Variants in PCLO observed in about 807,000 individuals in gnomAD.
PCLO encodes the protein piccolo presynaptic cytomatrix protein, also known as protein piccolo.
Under a neutral mutation model 427.5 loss-of-function variants are expected in PCLO, and 82 were observed. The ratio of observed to expected loss-of-function variants is 0.19; its 90% CI spans 0.16 to 0.23. The LOEUF is 0.23. Ranked by LOEUF, PCLO falls within the 10% of genes least tolerant of loss-of-function variation. The pLI, the probability that PCLO is intolerant of heterozygous loss-of-function variation, is 1.00. For missense variants in PCLO, 6,239 were observed against 6,115.9 expected (o/e 1.02, Z -0.67); for synonymous variants, 2,357 against 2,155.4 (o/e 1.09, Z -2.59).
At chr7:82,901,450 T>C (rs893151014) in intron 9 of PCLO, among the ~76,000 whole-genome samples, 1 of 152,026 alleles carries the variant, frequency 6.6e-6, no homozygotes, top group Non-Finnish European at 1.5e-5. Context: ...ACGTACATGT[T>C]AGACCTAAAA....
At chr7:82,781,618 T>A (rs1301321380) in intron 22 of PCLO, among the ~76,000 whole-genome samples, 1 of 152,166 alleles carries the variant, frequency 6.6e-6, no homozygotes, top group East Asian at 1.9e-4. Flanking sequence ...CAGCCCTTAT[T>A]ACAGTCTTTT....
intron 20 of PCLO, among the ~76,000 whole-genome samples, chr7:82,810,234 A>G (rs1248663252): frequency 6.6e-6 from 1 of 151,686 alleles, no homozygotes; most frequent in Non-Finnish European, 1.5e-5. Flanking sequence ...AAATTTAGAA[A>G]TATTCAACTT....
At chr7:82,983,708 A>T (rs190724444) in intron 3 of PCLO, among the ~76,000 whole-genome samples, 17 of 151,622 alleles carry the variant, frequency 1.1e-4, no homozygotes, top group African/African-American at 3.9e-4. Context: ...GAAGTCTTGG[A>T]CAAGGCACAA....
intron 3 of PCLO, among the ~76,000 whole-genome samples, chr7:83,043,544 C>T (rs1789023010): frequency 6.6e-6 from 1 of 152,172 alleles, no homozygotes; most frequent in Non-Finnish European, 1.5e-5. Context: ...CAAAAGATTA[C>T]ATTTGAAACT....
At chr7:82,840,294 C>A (rs1339138687) in intron 14 of PCLO, among the ~76,000 whole-genome samples, 1 of 151,978 alleles carries the variant, frequency 6.6e-6, no homozygotes, top group East Asian at 1.9e-4. Context: ...AGTAACGTGT[C>A]AACCTTCTGC....
intron 3 of PCLO, among the ~76,000 whole-genome samples, chr7:82,970,781 T>TA (rs1307945065): frequency 6.6e-6 from 1 of 151,788 alleles, no homozygotes; most frequent in Non-Finnish European, 1.5e-5. Flanking sequence ...AGAATCTAGG[T>TA]AAAATACAAA....
intron 3 of PCLO, chr7:83,018,012 T>G (rs971131288): frequency 2.6e-5 from 4 of 151,970 alleles, no homozygotes; most frequent in African/African-American, 9.7e-5. Context: ...GCTGTAGGCT[T>G]GAAACAAACA....
Position 82,845,507 on chromosome 7 carries a change from T to G in PCLO, c.13832-22A>C, listed in dbSNP as rs1272802338. On this transcript the variant is annotated intron_variant, in intron 12 of 24. Coordinates refer to ENST00000333891, the MANE Select transcript of PCLO (RefSeq NM_033026.6). ...TCCACTACAACAAAATGAAAGAGAT[T>G]TACATACTTCTCCATTTCATAGGTA... The G allele has an allele frequency of 3.3e-6, 5 of 1,508,484 alleles. No homozygotes were observed. The East Asian group carries it at 1.1e-4, about 35-fold the overall frequency. 93.4% of individuals were successfully genotyped at this position (1,508,484 alleles called of 1,614,324 possible).
rs117334795 is a variant in PCLO at position 82,908,670 on chromosome 7, T to C, written c.13437+207A>G. ...CTGTTGGAGGAATGAATCACTTAAA[T>C]TGGTAGAAGTATCACAGCTATGCTC... On this transcript the variant is annotated intron_variant, in intron 8 of 24. Coordinates refer to ENST00000333891, the MANE Select transcript of PCLO (RefSeq NM_033026.6). 5.8e-4 allele frequency among the ~76,000 whole-genome samples: 89 copies of C among 152,200 alleles called. 1 individual carries two copies. The East Asian group carries it at 0.015, about 26-fold the overall frequency.
intron 8 of PCLO, among the ~76,000 whole-genome samples, chr7:82,906,281 C>A (rs1464542875): frequency 2.6e-5 from 4 of 151,874 alleles, no homozygotes; most frequent in Admixed American, 6.6e-5. Context: ...TTACTTTTGC[C>A]TCCAAAGCAT....
chr7:82,876,306 C>T lies in PCLO; in HGVS notation c.13654+3031G>A, dbSNP rs910197463. Among the ~76,000 whole-genome samples, 5 of 152,022 alleles carry T rather than the reference C, an allele frequency of 3.3e-5. No homozygotes were observed. In the East Asian group the frequency reaches 9.7e-4, roughly 29 times the overall value. ...AAAACCTCCAGTGATATATAATTGG[C>T]ATCATGATAATGCCTCACATCAGGC... On this transcript the variant is annotated intron_variant, in intron 10 of 24. Transcript: ENST00000333891.
chr7:83,115,635 A>G (rs965033722), intron 3 of PCLO, among the ~76,000 whole-genome samples: 26 of 152,084 alleles, frequency 1.7e-4, no homozygotes, highest in Non-Finnish European at 3.7e-4. Flanking sequence ...ATAATTCAAA[A>G]AAATACAACA....
chr7:83,137,926 G>T (rs747883325), intron 2 of PCLO, among the ~76,000 whole-genome samples: 4 of 152,102 alleles, frequency 2.6e-5, no homozygotes, highest in African/African-American at 4.8e-5. Flanking sequence ...AGGCAAAAAT[G>T]TAAGAAAATT....
intron 3 of PCLO, among the ~76,000 whole-genome samples, chr7:83,129,086 G>A (rs944300235): frequency 3.9e-5 from 6 of 152,012 alleles, no homozygotes; most frequent in African/African-American, 1.4e-4. Context: ...AGTACCTTAG[G>A]TTTTCTAAAC....
intron 3 of PCLO, among the ~76,000 whole-genome samples, chr7:83,053,933 G>C (rs2116277615): frequency 6.6e-6 from 1 of 152,034 alleles, no homozygotes; most frequent in East Asian, 1.9e-4. Flanking sequence ...TAGAATCTAT[G>C]AAATATAGGT....
At position 82,795,464 on chromosome 7, in the gene PCLO, CT is replaced by C. The variant is rs567289838; in HGVS notation, c.15007+6053del. On this transcript the variant is annotated intron_variant, in intron 22 of 24. Transcript: ENST00000333891. ...TCATCATTAAGTATTGGATGTTTTCCTGCCCAAACCAATTAAGATAGTCTTA... is the reference window on the plus strand; with the variant it reads ...TCATCATTAAGTATTGGATGTTTTCCGCCCAAACCAATTAAGATAGTCTTA... Among the ~76,000 whole-genome samples the C allele has an allele frequency of 3.1e-3, 467 of 152,176 alleles. 1 individual carries two copies. Among genetic ancestry groups the C allele is most frequent in the African/African-American group, 1.0e-2 (415 of 41,538 alleles).
At chr7:83,092,758 G>C (rs1227941433) in intron 3 of PCLO, among the ~76,000 whole-genome samples, 1 of 151,934 alleles carries the variant, frequency 6.6e-6, no homozygotes, top group Non-Finnish European at 1.5e-5. Flanking sequence ...GACCAGCCTG[G>C]CCAACATGGT....
chr7:83,136,052 C>A, intron 2 of PCLO, among the ~76,000 whole-genome samples: 1 of 151,748 alleles, frequency 6.6e-6, no homozygotes, highest in East Asian at 1.9e-4. Flanking sequence ...GAGCCGAGAT[C>A]GCGCCATTGC....
intron 2 of PCLO, among the ~76,000 whole-genome samples, chr7:83,136,369 A>AC (rs1791729684): frequency 6.6e-6 from 1 of 152,122 alleles, no homozygotes; most frequent in Non-Finnish European, 1.5e-5. Context: ...TGGGAATAAA[A>AC]CATGTTAGAT....
Sources: gnomAD v4.1 joint callset for allele counts (sites outside exome capture counted in the v4.1 genomes callset) on GRCh38, gnomAD v4.1.1 for gene constraint, MANE v1.5 for transcripts, NCBI Gene and HGNC (gene_info 2026-07-23, HGNC 2026-07-21) for gene names.